The following EPHA6 variants were observed in gnomAD, a reference collection of about 807,000 sequenced individuals.
EPHA6 encodes the protein ephrin type-A receptor 6.
EPHA6 carries 50 observed loss-of-function variants against 112.0 expected under a neutral mutation model. The observed-to-expected ratio is 0.45, with a 90% confidence interval of 0.36 to 0.56. EPHA6 has a LOEUF of 0.56. EPHA6 is among the 20% of genes least tolerant of loss of function. EPHA6 has a pLI of 0.00. For missense variants in EPHA6, 1,280 were observed against 1,417.4 expected (o/e 0.90, Z 1.56); for synonymous variants, 529 against 490.7 (o/e 1.08, Z -1.03).
At chr3:97,328,001 G>GTATATGTATATGTGTA (rs1314888427) in intron 5 of EPHA6, among the ~76,000 whole-genome samples, 2 of 119,856 alleles carry the variant, frequency 1.7e-5, no homozygotes, top group Non-Finnish European at 3.1e-5. Context: ...ATATGTGTAT[G>GTATATGTATATGTGTA]TATATGTATA....
At chr3:97,676,025 A>T (rs1257619473) in intron 14 of EPHA6, among the ~76,000 whole-genome samples, 1 of 152,150 alleles carries the variant, frequency 6.6e-6, no homozygotes, top group Non-Finnish European at 1.5e-5. Context: ...GCAGTCGTAG[A>T]GGGGGAAAAA....
intron 1 of EPHA6, among the ~76,000 whole-genome samples, chr3:96,850,593 C>G (rs1320808233): frequency 1.3e-5 from 2 of 152,132 alleles, no homozygotes; most frequent in Non-Finnish European, 2.9e-5. Context: ...CCAGTTCACC[C>G]ATCTCACTGG....
intron 1 of EPHA6, among the ~76,000 whole-genome samples, chr3:96,861,285 G>A (rs959766893): frequency 6.6e-6 from 1 of 152,012 alleles, no homozygotes; most frequent in African/African-American, 2.4e-5. Context: ...TCTTGCTCTA[G>A]AGTATAACTT....
At chr3:97,652,361 T>C (rs2094112968) in intron 14 of EPHA6, among the ~76,000 whole-genome samples, 1 of 152,070 alleles carries the variant, frequency 6.6e-6, no homozygotes, top group Non-Finnish European at 1.5e-5. Flanking sequence ...ACAGACCCTA[T>C]TGGCTGCCCA....
chr3:97,282,296 C>T (rs1297941057), intron 5 of EPHA6, among the ~76,000 whole-genome samples: 1 of 152,120 alleles, frequency 6.6e-6, no homozygotes, highest in South Asian at 2.1e-4. Context: ...GAGATACCAT[C>T]TCGTGCCACT....
intron 16 of EPHA6, among the ~76,000 whole-genome samples, chr3:97,737,551 G>A (rs61528916): frequency 6.6e-6 from 1 of 152,130 alleles, no homozygotes; most frequent in East Asian, 1.9e-4. Flanking sequence ...AAAGATGTTT[G>A]TCAAGTTTCT....
chr3:97,672,745 G>A (rs899062216), intron 14 of EPHA6, among the ~76,000 whole-genome samples: 3 of 152,080 alleles, frequency 2.0e-5, no homozygotes, highest in Non-Finnish European at 4.4e-5. Flanking sequence ...CTTCTTAAAC[G>A]CTCTTGAGAT....
intron 3 of EPHA6, among the ~76,000 whole-genome samples, chr3:97,218,779 A>G (rs2078107594): frequency 6.6e-6 from 1 of 152,176 alleles, no homozygotes; most frequent in Non-Finnish European, 1.5e-5. Context: ...GTTGTAATTC[A>G]TTCCAGCATT....
intron 14 of EPHA6, among the ~76,000 whole-genome samples, chr3:97,673,637 C>T (rs2031075484): frequency 6.6e-6 from 1 of 152,120 alleles, no homozygotes; most frequent in Non-Finnish European, 1.5e-5. Flanking sequence ...ACAAGCTTTC[C>T]CCAAAAGAAG....
At chr3:96,868,088 A>G (rs931373552) in intron 2 of EPHA6, among the ~76,000 whole-genome samples, 2 of 151,632 alleles carry the variant, frequency 1.3e-5, no homozygotes, top group African/African-American at 2.4e-5. Flanking sequence ...ATTGTTGAGT[A>G]TATTAAGTGG....
At chr3:97,136,546 G>A (rs1056693918) in intron 3 of EPHA6, among the ~76,000 whole-genome samples, 5 of 152,060 alleles carry the variant, frequency 3.3e-5, no homozygotes, top group South Asian at 4.2e-4. Flanking sequence ...GTGAGACCCC[G>A]TCTCTAGAAA....
rs991939693 is a variant in EPHA6 at position 97,439,565 on chromosome 3, A to G, written c.1732-9003A>G. 4.4e-5 allele frequency: 43 copies of G among 969,288 alleles called. 1 individual carries two copies. The South Asian group carries it at 1.6e-3, about 37-fold the overall frequency. 60.0% of individuals were successfully genotyped at this position (969,288 alleles called of 1,614,324 possible). On this transcript the variant is annotated intron_variant, in intron 6 of 17. Coordinates refer to ENST00000389672, the MANE Select transcript of EPHA6 (RefSeq NM_001080448.3). ...CTGTTGGTTGCCAACAACAGAACCC[A>G]GCTGCCACTACTATTTAATGTTGTC...
intron 2 of EPHA6, among the ~76,000 whole-genome samples, chr3:96,986,966 G>C (rs577874796): frequency 6.6e-6 from 1 of 152,262 alleles, no homozygotes; most frequent in African/African-American, 2.4e-5. Flanking sequence ...GCTATTTAAT[G>C]TTCTTATAGT....
intron 3 of EPHA6, among the ~76,000 whole-genome samples, chr3:97,147,278 A>T (rs139571303): frequency 9.5e-4 from 144 of 152,262 alleles, no homozygotes; most frequent in African/African-American, 3.3e-3. Flanking sequence ...AATTTTGTAT[A>T]GTCATGAATG....
chr3:97,047,274 G>A (rs1277576131), intron 3 of EPHA6, among the ~76,000 whole-genome samples: 2 of 151,994 alleles, frequency 1.3e-5, no homozygotes, highest in Non-Finnish European at 2.9e-5. Context: ...GCCAAGGCGG[G>A]TGGATCATGA....
chr3:97,088,402 G>C (rs1038417835), intron 3 of EPHA6, among the ~76,000 whole-genome samples: 1 of 152,066 alleles, frequency 6.6e-6, no homozygotes, highest in Admixed American at 6.6e-5. Flanking sequence ...CATGTGAGAA[G>C]GTCAGTCTGC....
At chr3:96,966,094 AAATT>A (rs533337386) in intron 2 of EPHA6, among the ~76,000 whole-genome samples, 115 of 152,234 alleles carry the variant, frequency 7.6e-4, no homozygotes, top group South Asian at 1.2e-3. Flanking sequence ...TTTATTGAAT[AAATT>A]AGGTATTCTT....
intron 5 of EPHA6, among the ~76,000 whole-genome samples, chr3:97,317,141 A>C (rs2081881279): frequency 6.6e-6 from 1 of 151,908 alleles, no homozygotes. Flanking sequence ...AGAGAAAAAA[A>C]AAAAGAAAAT....
At chr3:97,194,176 T>C (rs1449081751) in intron 3 of EPHA6, among the ~76,000 whole-genome samples, 3 of 152,054 alleles carry the variant, frequency 2.0e-5, no homozygotes, top group Non-Finnish European at 4.4e-5. Context: ...TTTGAAGTTT[T>C]TCTACTTTTT....
Sources: allele counts gnomAD v4.1 joint callset (sites outside exome capture counted in the v4.1 genomes callset), GRCh38; gene constraint gnomAD v4.1.1; transcripts MANE v1.5; gene names NCBI Gene and HGNC (gene_info 2026-07-23, HGNC 2026-07-21).